PLEKHA5: variants seen among roughly 807,000 people sequenced by gnomAD.
The protein encoded by PLEKHA5 is pleckstrin homology domain-containing family A member 5.
Under a neutral mutation model 181.9 loss-of-function variants are expected in PLEKHA5, and 55 were observed. The observed-to-expected ratio is 0.30, with a 90% CI of 0.24 to 0.38. PLEKHA5 has a LOEUF of 0.38. PLEKHA5 is among the 10% of genes least tolerant of loss of function. The pLI, the probability that PLEKHA5 is intolerant of heterozygous loss-of-function variation, is 1.00. For missense variants in PLEKHA5, 1,432 were observed against 1,549.5 expected, an observed-to-expected ratio of 0.92 and a Z score of 1.27; for synonymous variants, 535 against 529.4, an observed-to-expected ratio of 1.01 and a Z score of -0.15.
Position 19,366,042 on chromosome 12 carries a change from A to G in PLEKHA5, c.3687A>G (p.Glu1229=), listed in dbSNP as rs940300996. The G allele has an allele frequency of 1.2e-6, 2 of 1,610,884 alleles. No individual in the cohort carries two copies. The highest frequency in any genetic ancestry group is 1.3e-5 in the African/African-American group (1 of 74,862). ...AAAATACAAAGAACAGTGTTGACGA[A>G]CAGGAAGAAACTGTTATTTCTTACG... ...PEENTKNSVD[E]QEETVISYES... Residue 1229 remains glutamate, a synonymous_variant, in exon 30 of 32, where the codon GAA becomes GAG. Coordinates refer to ENST00000429027, the MANE Select transcript of PLEKHA5 (RefSeq NM_001256470.2).
intron 15 of PLEKHA5, chr12:19,307,275 C>G (rs1433747474): frequency 2.4e-6 from 1 of 422,878 alleles, no homozygotes; most frequent in Non-Finnish European, 4.3e-6. Flanking sequence ...GAGTTCGAGA[C>G]CAACCTGACC....
intron 3 of PLEKHA5, among the ~76,000 whole-genome samples, chr12:19,225,488 T>C (rs1362542695): frequency 6.6e-6 from 1 of 152,182 alleles, no homozygotes; most frequent in East Asian, 1.9e-4. Context: ...TTGCAGTTCT[T>C]GCTTATTATT....
At chr12:19,350,225 A>G (rs894419219) in intron 25 of PLEKHA5, among the ~76,000 whole-genome samples, 21 of 152,346 alleles carry the variant, frequency 1.4e-4, no homozygotes, top group East Asian at 5.8e-4. Flanking sequence ...CATGTTCTAG[A>G]TATTAGCTAA....
intron 3 of PLEKHA5, among the ~76,000 whole-genome samples, chr12:19,168,010 A>G (rs74383467): frequency 0.032 from 4,819 of 152,234 alleles, 252 homozygotes; most frequent in African/African-American, 0.11. Context: ...TATGATATGT[A>G]TATCGGTTAG....
At position 19,359,888 on chromosome 12, in the gene PLEKHA5, T is replaced by C. The variant is rs183599845; in HGVS notation, c.3483+342T>C. Among the ~76,000 whole-genome samples the C allele has an allele frequency of 6.8e-3, 1,025 of 150,760 alleles. 10 individuals carry two copies. The highest frequency in any genetic ancestry group is 0.024 in the African/African-American group (971 of 40,998). ...GGCTGAGGCAGGAGAATGGCGTGAA[T>C]CTGGGAGGCGGAGCTTGCAGTGAGC... On this transcript the variant is annotated intron_variant, in intron 28 of 31. Transcript: ENST00000429027.
At chr12:19,365,167 C>T (rs1165408819) in intron 29 of PLEKHA5, among the ~76,000 whole-genome samples, 1 of 151,800 alleles carries the variant, frequency 6.6e-6, no homozygotes. Context: ...GTCAGGAGAT[C>T]GAGACCATCC....
chr12:19,340,478 CATG>C (rs2093804324), intron 21 of PLEKHA5, among the ~76,000 whole-genome samples: 1 of 140,838 alleles, frequency 7.1e-6, no homozygotes, highest in Non-Finnish European at 1.6e-5. Context: ...GAGAACGGGC[CATG>C]ATGACAATGG....
chr12:19,337,312 G>A lies in PLEKHA5; in HGVS notation c.2550+696G>A, dbSNP rs563257913. Among the ~76,000 whole-genome samples, 6 of 152,010 alleles carry A rather than the reference G, an allele frequency of 3.9e-5. No individual in the cohort carries two copies. The East Asian group carries it at 7.7e-4, about 20-fold the overall frequency. ...TCACGCCTATAGTCCCAGCACTTTC[G>A]GAGGCTGAAGTGGGTAGATCACCTG... On this transcript the variant is annotated intron_variant, in intron 21 of 31. Coordinates refer to ENST00000429027, the MANE Select transcript of PLEKHA5 (RefSeq NM_001256470.2).
chr12:19,181,498 G>A (rs577200080), intron 3 of PLEKHA5, among the ~76,000 whole-genome samples: 94 of 152,302 alleles, frequency 6.2e-4, no homozygotes, highest in Middle Eastern at 3.4e-3. Context: ...TTTAGGGCTG[G>A]GCATGGTGGC....
At chr12:19,255,195 G>T in intron 5 of PLEKHA5, 30 bp downstream of exon 5, 2 of 1,496,810 alleles carry the variant, frequency 1.3e-6, no homozygotes, top group Non-Finnish European at 1.8e-6. Flanking sequence ...ATTAATTATT[G>T]ATAAGGAGTA....
chr12:19,278,861 G>T (rs1434040374), intron 11 of PLEKHA5, among the ~76,000 whole-genome samples: 1 of 152,180 alleles, frequency 6.6e-6, no homozygotes, highest in Non-Finnish European at 1.5e-5. Context: ...AGCGGTTCTT[G>T]TCTGGAGACA....
intron 20 of PLEKHA5, among the ~76,000 whole-genome samples, chr12:19,334,830 ATATATATATATATATATATATATAT>A (rs1434208329): frequency 2.7e-5 from 1 of 36,992 alleles, no homozygotes; most frequent in African/African-American, 7.2e-5. Context: ...AAAAAAAAAA[ATATATATATATATATATATATATAT>A]ATATATATAT....
chr12:19,154,022 T>C (rs1591830978), intron 3 of PLEKHA5: 2 of 152,292 alleles, frequency 1.3e-5, no homozygotes, highest in Middle Eastern at 3.4e-3. Context: ...TCCTTTTATT[T>C]TGAGTTTATA....
intron 20 of PLEKHA5, among the ~76,000 whole-genome samples, chr12:19,334,829 A>AAAAAAAATATATATATAT: frequency 1.1e-4 from 2 of 18,604 alleles, no homozygotes; most frequent in African/African-American, 1.2e-4. Context: ...AAAAAAAAAA[A>AAAAAAAATATATATATAT]ATATATATAT....
At chr12:19,341,474 C>A (rs2093922039) in intron 21 of PLEKHA5, among the ~76,000 whole-genome samples, 1 of 151,898 alleles carries the variant, frequency 6.6e-6, no homozygotes, top group Admixed American at 6.6e-5. Context: ...TTATAGTGAC[C>A]TTCCCATCCT....
At chr12:19,155,945 C>T (rs1255624490) in intron 3 of PLEKHA5, among the ~76,000 whole-genome samples, 5 of 152,184 alleles carry the variant, frequency 3.3e-5, no homozygotes, top group Non-Finnish European at 2.9e-5. Context: ...TGAGTAGCCC[C>T]TTTCTCTGTG....
intron 3 of PLEKHA5, among the ~76,000 whole-genome samples, chr12:19,193,235 T>C (rs535178077): frequency 6.6e-6 from 1 of 152,312 alleles, no homozygotes; most frequent in African/African-American, 2.4e-5. Context: ...TCTTAATACT[T>C]AGAAGAGGGG....
intron 16 of PLEKHA5, among the ~76,000 whole-genome samples, chr12:19,319,023 C>T (rs915344443): frequency 1.3e-5 from 2 of 152,136 alleles, no homozygotes; most frequent in Non-Finnish European, 2.9e-5. Context: ...TTGGCATTGT[C>T]TTACTTTTTT....
rs147223167 is a variant in PLEKHA5 at position 19,361,256 on chromosome 12, C to T, written c.3484-326C>T. On this transcript the variant is annotated intron_variant, in intron 28 of 31. Transcript: ENST00000429027. ...TGGAGTGCAGTCCGCGATCTCCGCT[C>T]ACTGCATGCTCCACCTGCCAGGTTC... 3.1e-4 allele frequency among the ~76,000 whole-genome samples: 47 copies of T among 152,272 alleles called. No homozygotes were observed. The East Asian group carries it at 7.7e-3, about 25-fold the overall frequency.
Sources: allele counts gnomAD v4.1 joint callset (sites outside exome capture counted in the v4.1 genomes callset), GRCh38; gene constraint gnomAD v4.1.1; transcripts MANE v1.5; gene names NCBI Gene and HGNC (gene_info 2026-07-23, HGNC 2026-07-21).